CCDC148: variants seen among roughly 807,000 people sequenced by gnomAD.
The protein encoded by CCDC148 is coiled-coil domain containing 148, also known as coiled-coil domain-containing protein 148.
A neutral mutation model predicts 85.7 loss-of-function variants in CCDC148; 89 were observed. The ratio of observed to expected loss-of-function variants is 1.04; its 90% CI spans 0.87 to 1.24. The LOEUF is 1.24. CCDC148 is among the 50% of genes most tolerant of loss of function. The probability of loss-of-function intolerance (pLI) is 0.00; values close to 1 mark genes in which losing one functional copy is unlikely to be tolerated. For synonymous variants in CCDC148, 230 were observed against 213.9 expected (o/e 1.08, Z -0.66); for missense variants, 692 against 671.7 (o/e 1.03, Z -0.33).
chr2:158,330,860 C>T (rs1473631676), intron 7 of CCDC148, among the ~76,000 whole-genome samples: 2 of 152,060 alleles, frequency 1.3e-5, no homozygotes, highest in African/African-American at 2.4e-5. Flanking sequence ...GTGATATCCC[C>T]TTTATCATTT....
At chr2:158,341,925 TAAC>T (rs1682720531) in intron 3 of CCDC148, among the ~76,000 whole-genome samples, 1 of 149,996 alleles carries the variant, frequency 6.7e-6, no homozygotes, top group East Asian at 1.9e-4. Flanking sequence ...TTTTTTTTAC[TAAC>T]ACTAACTTTT....
intron 1 of CCDC148, among the ~76,000 whole-genome samples, chr2:158,423,801 T>G (rs1484759367): frequency 6.6e-6 from 1 of 152,120 alleles, no homozygotes; most frequent in African/African-American, 2.4e-5. Flanking sequence ...GGGAGAAAAT[T>G]TTTGTAATCT....
chr2:158,304,323 G>A lies in CCDC148; in HGVS notation c.1110+5110C>T, dbSNP rs561242721. Among the ~76,000 whole-genome samples, 80 of 152,280 alleles carry A rather than the reference G, an allele frequency of 5.3e-4. 1 individual carries two copies. The South Asian group carries it at 0.016, about 31-fold the overall frequency. ...GACACTGTCCTAAGTAAGCTAGGCAGGAGGTTGATACTGACCCTTGATCTC... is the reference window on the plus strand; with the variant it reads ...GACACTGTCCTAAGTAAGCTAGGCAAGAGGTTGATACTGACCCTTGATCTC... On this transcript the variant is annotated intron_variant, in intron 9 of 13. Transcript: ENST00000283233.
intron 1 of CCDC148, among the ~76,000 whole-genome samples, chr2:158,449,897 A>G (rs764875967): frequency 6.6e-6 from 1 of 152,242 alleles, no homozygotes; most frequent in African/African-American, 2.4e-5. Context: ...CACACCAACA[A>G]AGTTCCCTTC....
At chr2:158,180,701 G>T (rs1329014947) in intron 11 of CCDC148, among the ~76,000 whole-genome samples, 2 of 152,080 alleles carry the variant, frequency 1.3e-5, no homozygotes, top group Admixed American at 6.6e-5. Flanking sequence ...GCAGCCACAG[G>T]GTTCCCTTAG....
In CCDC148 at chr2:158,328,968, T is replaced by G. The variant is rs981221149; in HGVS notation, c.764+9758A>C. 1.1e-4 allele frequency among the ~76,000 whole-genome samples: 17 copies of G among 152,316 alleles called. No individual in the cohort carries two copies. The South Asian group carries it at 1.2e-3, about 11-fold the overall frequency. On this transcript the variant is annotated intron_variant, in intron 7 of 13. Coordinates refer to ENST00000283233, the MANE Select transcript of CCDC148 (RefSeq NM_138803.4). ...ATTTTCTCCCATTCTGTAGGTTGCC[T>G]GTTCACTCTGATGGTAGTTTCTTTC...
intron 10 of CCDC148, among the ~76,000 whole-genome samples, chr2:158,222,768 C>G (rs185582813): frequency 6.6e-6 from 1 of 152,110 alleles, no homozygotes; most frequent in Non-Finnish European, 1.5e-5. Flanking sequence ...CTCTACCTGT[C>G]GTTATCATTG....
chr2:158,276,554 TCAAAACAAAACAAAACAAAA>T (rs58603462), intron 9 of CCDC148, among the ~76,000 whole-genome samples: 93 of 149,976 alleles, frequency 6.2e-4, no homozygotes, highest in Middle Eastern at 6.9e-3. Context: ...AGACTCAGTC[TCAAAACAAAACAAAACAAAA>T]CAAAACAAAA....
At chr2:158,332,745 C>T (rs1693204682) in intron 7 of CCDC148, among the ~76,000 whole-genome samples, 1 of 152,000 alleles carries the variant, frequency 6.6e-6, no homozygotes, top group Non-Finnish European at 1.5e-5. Flanking sequence ...TCGACTTCTT[C>T]CTGGTTTAGA....
intron 9 of CCDC148, among the ~76,000 whole-genome samples, chr2:158,251,902 T>C (rs527928186): frequency 2.0e-5 from 3 of 151,762 alleles, no homozygotes; most frequent in Non-Finnish European, 4.4e-5. Flanking sequence ...CTTCCTGGGA[T>C]TTAAAAAAAT....
rs562588918 is a variant in CCDC148, at chr2:158,185,724, T to G, written c.1371-6728A>C. 3.3e-5 allele frequency among the ~76,000 whole-genome samples: 5 copies of G among 152,226 alleles called. No homozygotes were observed. The South Asian group carries it at 1.0e-3, about 32-fold the overall frequency. ...AAAAAACTATTTCTGCCACAACTTA[T>G]TTATTCTTCTTTTTCTGAACCATTC... On this transcript the variant is annotated intron_variant, in intron 11 of 13. Coordinates refer to ENST00000283233, the MANE Select transcript of CCDC148 (RefSeq NM_138803.4).
intron 1 of CCDC148, among the ~76,000 whole-genome samples, chr2:158,424,161 A>C (rs999312539): frequency 2.0e-5 from 3 of 152,222 alleles, no homozygotes; most frequent in African/African-American, 7.2e-5. Flanking sequence ...CAGTGTGTCA[A>C]TTCCTCAAGG....
chr2:158,456,483 G>A lies in CCDC148; in HGVS notation c.-44C>T. On this transcript the variant is annotated 5_prime_UTR_variant, in exon 1 of 14. Transcript: ENST00000283233. ...TAGCCTCAGGGACTCCCCAAACGCA[G>A]GAAAAGTGAAACGCCCACTCCTGGG... is the stretch of plus-strand genomic sequence containing the variant. The A allele has an allele frequency of 1.2e-6, 2 of 1,600,774 alleles. No individual in the cohort carries two copies. The highest frequency in any genetic ancestry group is 1.7e-6 in the Non-Finnish European group (2 of 1,173,838).
chr2:158,292,612 A>C (rs1690947447), intron 9 of CCDC148, among the ~76,000 whole-genome samples: 1 of 152,182 alleles, frequency 6.6e-6, no homozygotes, highest in Non-Finnish European at 1.5e-5. Context: ...CTCACTGCCT[A>C]AAGTTTCCCT....
In CCDC148 at chr2:158,379,717, G is replaced by A. The variant is rs189301120; in HGVS notation, c.26-21147C>T. Among the ~76,000 whole-genome samples, 11 of 152,202 alleles carry A rather than the reference G, an allele frequency of 7.2e-5. No individual in the cohort carries two copies. In the East Asian group the frequency reaches 1.7e-3, roughly 24 times the overall value. ...TCCACCAGCAAAAAGATTATGACTC[G>A]CTGAGGCTGAGATGAGCATTGGCAT... On this transcript the variant is annotated intron_variant, in intron 1 of 13. Transcript: ENST00000283233.
chr2:158,214,945 C>T (rs1686769802), intron 11 of CCDC148, among the ~76,000 whole-genome samples: 2 of 152,050 alleles, frequency 1.3e-5, no homozygotes, highest in African/African-American at 4.8e-5. Flanking sequence ...AAATCAACAA[C>T]ATTTCTAAGT....
At position 158,358,449 on chromosome 2, in the gene CCDC148, C is replaced by T. The variant is rs748045517; in HGVS notation, c.147G>A (p.Lys49=). ...AACACATACACACACAACTTCTAAC[C>T]TTTAGCTTTGCAGAGGCAGAAGCCA... ...KKLASASAKL[K]IRKAMLTSKL... The change falls in exon 2 of 14, where the codon AAG becomes AAA. Residue 49 remains lysine (K), a splice_region_variant and synonymous_variant. Coordinates refer to ENST00000283233, the MANE Select transcript of CCDC148 (RefSeq NM_138803.4). 5.6e-6 allele frequency: 9 copies of T among 1,604,434 alleles called. No homozygotes were observed. Among genetic ancestry groups the T allele is most frequent in the Non-Finnish European group, 7.6e-6 (9 of 1,177,054 alleles).
At chr2:158,371,890 A>G (rs1481177890) in intron 1 of CCDC148, among the ~76,000 whole-genome samples, 2 of 152,066 alleles carry the variant, frequency 1.3e-5, no homozygotes, top group Non-Finnish European at 2.9e-5. Flanking sequence ...CCAGTTCCAC[A>G]TATAGTCAAC....
intron 9 of CCDC148, among the ~76,000 whole-genome samples, chr2:158,290,803 T>C (rs573804803): frequency 6.6e-6 from 1 of 152,352 alleles, no homozygotes; most frequent in Admixed American, 6.5e-5. Flanking sequence ...TTTGGAAGAA[T>C]GCTAGCGTAT....
Sources: gnomAD v4.1 joint callset for allele counts (sites outside exome capture counted in the v4.1 genomes callset) on GRCh38, gnomAD v4.1.1 for gene constraint, MANE v1.5 for transcripts, NCBI Gene and HGNC (gene_info 2026-07-23, HGNC 2026-07-21) for gene names.